The following RELN variants were observed in gnomAD, a reference collection of about 807,000 sequenced individuals.
RELN encodes reelin.
A neutral mutation model predicts 427.6 loss-of-function variants in RELN; 108 were observed. The observed-to-expected ratio is 0.25, with a 90% CI of 0.22 to 0.30. The LOEUF (loss-of-function observed/expected upper bound fraction) is 0.30, where lower values mean the gene tolerates loss of function less well. Ranked by LOEUF, RELN falls within the 10% of genes least tolerant of loss-of-function variation. The pLI is 1.00. For missense variants in RELN, 3,715 were observed against 4,302.8 expected (o/e 0.86, Z 3.82); for synonymous variants, 1,524 against 1,513.4 (o/e 1.01, Z -0.16).
chr7:103,806,000 G>A (rs1193070253), intron 3 of RELN, among the ~76,000 whole-genome samples: 4 of 152,194 alleles, frequency 2.6e-5, no homozygotes, highest in Admixed American at 6.5e-5. Flanking sequence ...TAAGTAAGGA[G>A]AAGTCAAGCT....
At chr7:103,982,135 C>T (rs1437358349) in intron 1 of RELN, among the ~76,000 whole-genome samples, 1 of 152,072 alleles carries the variant, frequency 6.6e-6, no homozygotes, top group Non-Finnish European at 1.5e-5. Context: ...CACTGCACTC[C>T]AGCCTGGGCG....
At chr7:103,978,649 C>T (rs142244277) in intron 1 of RELN, among the ~76,000 whole-genome samples, 200 of 152,324 alleles carry the variant, frequency 1.3e-3, no homozygotes, top group African/African-American at 4.6e-3. Context: ...TGAATCTGAT[C>T]TCTAGAGCAT....
At chr7:103,874,756 C>T (rs1794436428) in intron 2 of RELN, among the ~76,000 whole-genome samples, 1 of 150,668 alleles carries the variant, frequency 6.6e-6, no homozygotes, top group African/African-American at 2.4e-5. Flanking sequence ...TAGGAAGAAT[C>T]AATATTGTGA....
chr7:103,642,571 C>T (rs1832716469), intron 16 of RELN, among the ~76,000 whole-genome samples: 1 of 152,058 alleles, frequency 6.6e-6, no homozygotes. Context: ...CCATTCTACT[C>T]AAAGCATGAT....
chr7:103,941,506 T>C (rs1318950927), intron 1 of RELN, among the ~76,000 whole-genome samples: 1 of 152,188 alleles, frequency 6.6e-6, no homozygotes. Context: ...AGTTTCTATC[T>C]TCAACCATAC....
Position 103,518,109 on chromosome 7 carries a change from C to T in RELN, c.7862+1214G>A, listed in dbSNP as rs564991792. Among the ~76,000 whole-genome samples the T allele has an allele frequency of 3.0e-4, 45 of 152,092 alleles. 1 individual carries two copies. Among genetic ancestry groups the T allele is most frequent in the African/African-American group, 1.0e-3 (42 of 41,468 alleles). Reference sequence around the variant, plus strand: ...GAGGAACCTGGGTCACTGGTGCTTGCGGAGCCACTACAGTAGTCCTGGAGT... The same window carrying T: ...GAGGAACCTGGGTCACTGGTGCTTGTGGAGCCACTACAGTAGTCCTGGAGT... On this transcript the variant is annotated intron_variant, in intron 49 of 64. Coordinates refer to ENST00000428762, the MANE Select transcript of RELN (RefSeq NM_005045.4).
intron 24 of RELN, among the ~76,000 whole-genome samples, chr7:103,598,956 T>C (rs533756777): frequency 9.2e-5 from 14 of 152,238 alleles, no homozygotes; most frequent in Non-Finnish European, 2.1e-4. Context: ...GTTGGAGTAA[T>C]AATATTGTGC....
chr7:103,485,546 AG>A (rs1828406438), intron 61 of RELN, among the ~76,000 whole-genome samples: 1 of 152,204 alleles, frequency 6.6e-6, no homozygotes, highest in Non-Finnish European at 1.5e-5. Context: ...GAATTTATAT[AG>A]ACAAAAAGCT....
intron 1 of RELN, among the ~76,000 whole-genome samples, chr7:103,938,392 GA>G (rs746239105): frequency 3.3e-5 from 5 of 152,164 alleles, no homozygotes; most frequent in Non-Finnish European, 5.9e-5. Flanking sequence ...TCTAAAGACT[GA>G]GAAACAACCT....
chr7:103,985,731 T>G (rs1797083831), intron 1 of RELN, among the ~76,000 whole-genome samples: 1 of 151,894 alleles, frequency 6.6e-6, no homozygotes, highest in Non-Finnish European at 1.5e-5. Flanking sequence ...AGGCGAGGAG[T>G]GGCAAACAAA....
At chr7:103,677,259 T>TG (rs1329425126) in intron 11 of RELN, among the ~76,000 whole-genome samples, 5 of 112,106 alleles carry the variant, frequency 4.5e-5, no homozygotes, top group Admixed American at 2.9e-4. Flanking sequence ...CTAGGATCTG[T>TG]GGGGGGTGGG....
chr7:103,847,115 C>T (rs28880083), intron 2 of RELN, among the ~76,000 whole-genome samples: 21,336 of 152,104 alleles, frequency 0.14, 1,675 homozygotes, highest in East Asian at 0.29. Flanking sequence ...AAGACACATG[C>T]GCATGTATGT....
At chr7:103,497,072 C>A (rs1828864303) in intron 55 of RELN, among the ~76,000 whole-genome samples, 2 of 152,138 alleles carry the variant, frequency 1.3e-5, no homozygotes, top group Non-Finnish European at 1.5e-5. Context: ...TAATGAGATA[C>A]ACCCATGTTT....
chr7:103,691,335 G>A (rs1027924735), intron 10 of RELN, among the ~76,000 whole-genome samples: 4 of 151,598 alleles, frequency 2.6e-5, no homozygotes, highest in African/African-American at 2.4e-5. Flanking sequence ...AGTCCCCCCC[G>A]CCAAAAAACA....
chr7:103,954,934 GAT>G (rs1452599724), intron 1 of RELN, among the ~76,000 whole-genome samples: 1 of 152,098 alleles, frequency 6.6e-6, no homozygotes, highest in Non-Finnish European at 1.5e-5. Flanking sequence ...GACTTTAAAA[GAT>G]AAAATAAAAG....
At chr7:103,554,337 G>A (rs544542479) in intron 38 of RELN, among the ~76,000 whole-genome samples, 9 of 150,074 alleles carry the variant, frequency 6.0e-5, no homozygotes, top group African/African-American at 2.0e-4. Flanking sequence ...AGCACTTTGG[G>A]GGCCCAAGAT....
intron 8 of RELN, among the ~76,000 whole-genome samples, chr7:103,704,453 C>A (rs999100970): frequency 2.6e-5 from 4 of 152,074 alleles, no homozygotes; most frequent in Admixed American, 2.6e-4. Context: ...CAAATCCACA[C>A]GTACCATCCT....
At chr7:103,629,807 GT>G in intron 20 of RELN, 132 bp downstream of exon 20, 1 of 739,940 alleles carries the variant, frequency 1.4e-6, no homozygotes, top group South Asian at 1.4e-5. Flanking sequence ...GAAAACAGTA[GT>G]TCTGTTTTCA....
chr7:103,871,518 TTTTTAGGTCTCTAG>T (rs1190995035), intron 2 of RELN, among the ~76,000 whole-genome samples: 1 of 152,048 alleles, frequency 6.6e-6, no homozygotes, highest in African/African-American at 2.4e-5. Context: ...CAGTCATGGA[TTTTTAGGTCTCTAG>T]TTTCAGAGGA....
Sources: allele counts gnomAD v4.1 joint callset (sites outside exome capture counted in the v4.1 genomes callset), GRCh38; gene constraint gnomAD v4.1.1; transcripts MANE v1.5; gene names NCBI Gene and HGNC (gene_info 2026-07-23, HGNC 2026-07-21).